The following NFIB variants were observed in gnomAD, a reference collection of about 807,000 sequenced individuals.
The protein encoded by NFIB is nuclear factor I B, also known as nuclear factor 1 B-type.
A neutral mutation model predicts 61.5 loss-of-function variants in NFIB; 11 were observed. The ratio of observed to expected loss-of-function variants is 0.18; its 90% CI spans 0.11 to 0.30. The LOEUF (loss-of-function observed/expected upper bound fraction) is 0.30, where lower values mean the gene tolerates loss of function less well. NFIB is among the 10% of genes least tolerant of loss of function. The pLI is 1.00. For missense variants in NFIB, 471 were observed against 608.9 expected (o/e 0.77, Z 2.38); for synonymous variants, 260 against 216.5 (o/e 1.20, Z -1.76).
intron 2 of NFIB, among the ~76,000 whole-genome samples, chr9:14,226,957 T>C (rs1014054115): frequency 2.9e-4 from 43 of 149,624 alleles, no homozygotes; most frequent in African/African-American, 9.4e-4. Context: ...CTGACTAAGA[T>C]GGTGAAACTC....
intron 6 of NFIB, among the ~76,000 whole-genome samples, chr9:14,143,329 G>C (rs1273336831): frequency 6.6e-6 from 1 of 151,832 alleles, no homozygotes; most frequent in Admixed American, 6.6e-5. Flanking sequence ...TTTAAGAACA[G>C]AATACATATA....
At chr9:14,228,004 A>G (rs542077435) in intron 2 of NFIB, among the ~76,000 whole-genome samples, 1 of 152,242 alleles carries the variant, frequency 6.6e-6, no homozygotes, top group South Asian at 2.1e-4. Flanking sequence ...TAACTCATTA[A>G]TAATTCATTT....
At chr9:14,143,684 C>T (rs2041988976) in intron 6 of NFIB, among the ~76,000 whole-genome samples, 1 of 152,046 alleles carries the variant, frequency 6.6e-6, no homozygotes, top group South Asian at 2.1e-4. Flanking sequence ...ATTATAAATA[C>T]AAGACATGTC....
the NFIB span, among the ~76,000 whole-genome samples, chr9:14,487,878 A>G: frequency 3.7e-4 from 56 of 152,248 alleles, no homozygotes; most frequent in African/African-American, 1.3e-3. Context: ...AGTCAGGGGC[A>G]TGGGCAGGCA....
At chr9:14,200,215 T>C (rs2048884699) in intron 2 of NFIB, among the ~76,000 whole-genome samples, 2 of 152,186 alleles carry the variant, frequency 1.3e-5, no homozygotes, top group African/African-American at 4.8e-5. Context: ...TAAAATATAG[T>C]AGTCAATGGT....
intron 10 of NFIB, among the ~76,000 whole-genome samples, chr9:14,089,921 C>T (rs1309626491): frequency 6.6e-6 from 1 of 152,084 alleles, no homozygotes; most frequent in Non-Finnish European, 1.5e-5. Context: ...CATTTCAAAA[C>T]AATATCACAA....
chr9:14,309,699 T>C lies in NFIB; in HGVS notation c.31-2179A>G, dbSNP rs147570521. Among the ~76,000 whole-genome samples, 16 of 152,350 alleles carry C rather than the reference T, an allele frequency of 1.1e-4. No homozygotes were observed. The East Asian group carries it at 2.5e-3, about 24-fold the overall frequency. Reference sequence around the variant, plus strand: ...GATGCCATGCTTTTAGCTTTCACTGTAACTACAAAAACTTTGTTTATCCCC... The same window carrying C: ...GATGCCATGCTTTTAGCTTTCACTGCAACTACAAAAACTTTGTTTATCCCC... On this transcript the variant is annotated intron_variant, in intron 1 of 10. Coordinates refer to ENST00000380953, the MANE Select transcript of NFIB (RefSeq NM_001190737.2).
intron 1 of NFIB, among the ~76,000 whole-genome samples, chr9:14,335,932 T>C (rs532720708): frequency 6.6e-6 from 1 of 152,368 alleles, no homozygotes; most frequent in East Asian, 1.9e-4. Context: ...AAAGACTTTT[T>C]TCCCCCACTG....
At chr9:14,101,052 T>C (rs996541085) in intron 10 of NFIB, among the ~76,000 whole-genome samples, 27 of 152,344 alleles carry the variant, frequency 1.8e-4, no homozygotes, top group African/African-American at 5.3e-4. Context: ...ATTAGGTCAT[T>C]AAATTCAATT....
chr9:14,363,343 G>C (rs956394229), intron 1 of NFIB, among the ~76,000 whole-genome samples: 1 of 152,070 alleles, frequency 6.6e-6, no homozygotes, highest in Non-Finnish European at 1.5e-5. Context: ...CCCCTCCTTG[G>C]AAGAACACTC....
At chr9:14,345,263 C>T (rs2061005184) in intron 1 of NFIB, among the ~76,000 whole-genome samples, 2 of 152,154 alleles carry the variant, frequency 1.3e-5, no homozygotes, top group Non-Finnish European at 2.9e-5. Context: ...TTCCTCCTGT[C>T]CCAATAATTT....
intron 2 of NFIB, among the ~76,000 whole-genome samples, chr9:14,302,048 G>A (rs2059780116): frequency 1.3e-5 from 2 of 152,300 alleles, no homozygotes; most frequent in Admixed American, 6.5e-5. Flanking sequence ...AAACTCTTAT[G>A]TTCCCAGAGC....
chr9:14,337,031 T>G (rs908846892), intron 1 of NFIB, among the ~76,000 whole-genome samples: 1 of 152,220 alleles, frequency 6.6e-6, no homozygotes, highest in Non-Finnish European at 1.5e-5. Context: ...GGGATATTAT[T>G]CTTCTTTGTT....
At chr9:14,295,560 G>A (rs1253309760) in intron 2 of NFIB, among the ~76,000 whole-genome samples, 1 of 152,154 alleles carries the variant, frequency 6.6e-6, no homozygotes, top group East Asian at 1.9e-4. Context: ...GAACCCGGGA[G>A]GCGGAGCTTA....
At chr9:14,384,511 C>A (rs1446645800) in intron 1 of NFIB, among the ~76,000 whole-genome samples, 2 of 152,304 alleles carry the variant, frequency 1.3e-5, no homozygotes, top group East Asian at 3.9e-4. Context: ...CCTTTCCAAA[C>A]CTGATCCTTG....
intron 2 of NFIB, among the ~76,000 whole-genome samples, chr9:14,244,671 T>G (rs1413564026): frequency 6.6e-6 from 1 of 152,144 alleles, no homozygotes; most frequent in Non-Finnish European, 1.5e-5. Flanking sequence ...ATTACTGACC[T>G]CTCTGAATTT....
chr9:14,505,458 C>T, the NFIB span, among the ~76,000 whole-genome samples: 2 of 152,084 alleles, frequency 1.3e-5, no homozygotes, highest in African/African-American at 2.4e-5. Flanking sequence ...TCCAAGGATG[C>T]CAGGAGGAGG....
intron 2 of NFIB, among the ~76,000 whole-genome samples, chr9:14,286,044 A>T (rs2058687209): frequency 6.6e-6 from 1 of 152,198 alleles, no homozygotes; most frequent in Admixed American, 6.5e-5. Flanking sequence ...ATGCACACCT[A>T]GTCACCGCCC....
At chr9:14,365,680 T>C (rs983830290) in intron 1 of NFIB, among the ~76,000 whole-genome samples, 1 of 152,246 alleles carries the variant, frequency 6.6e-6, no homozygotes. Flanking sequence ...ACGTTTGTTC[T>C]AGGAAGAATT....
Sources: allele counts gnomAD v4.1 joint callset (sites outside exome capture counted in the v4.1 genomes callset), GRCh38; gene constraint gnomAD v4.1.1; transcripts MANE v1.5; gene names NCBI Gene and HGNC (gene_info 2026-07-23, HGNC 2026-07-21).